The following PPP1R3A variants were observed in gnomAD, a reference collection of about 807,000 sequenced individuals.
The protein encoded by PPP1R3A is protein phosphatase 1 regulatory subunit 3A.
Under a neutral mutation model 41.7 loss-of-function variants are expected in PPP1R3A, and 29 were observed. That is an observed-to-expected ratio of 0.70 (90% CI 0.52 to 0.95). The LOEUF (loss-of-function observed/expected upper bound fraction) is 0.95. Among genes scored for constraint, PPP1R3A ranks in the 40% least tolerant of loss-of-function variants. The pLI is 0.00. For missense variants in PPP1R3A, 1,352 were observed against 1,292.4 expected (o/e 1.05, Z -0.71); for synonymous variants, 485 against 453.4 (o/e 1.07, Z -0.89).
chr7:113,880,841 C>T (rs947114805), intron 3 of PPP1R3A, among the ~76,000 whole-genome samples: 3 of 151,952 alleles, frequency 2.0e-5, no homozygotes, highest in Non-Finnish European at 4.4e-5. Context: ...GTCTTGTAAG[C>T]CAATGCCTGT....
intron 3 of PPP1R3A, among the ~76,000 whole-genome samples, chr7:113,880,928 A>T (rs1241692366): frequency 6.6e-6 from 1 of 152,090 alleles, no homozygotes; most frequent in Non-Finnish European, 1.5e-5. Flanking sequence ...GCATGGAGCA[A>T]ATTAGCATCT....
intron 1 of PPP1R3A, among the ~76,000 whole-genome samples, chr7:113,887,369 A>C (rs6964044): frequency 6.6e-6 from 1 of 151,694 alleles, no homozygotes; most frequent in Non-Finnish European, 1.5e-5. Context: ...GGTTTTTCTA[A>C]TAGATATTTT....
At chr7:113,895,182 C>A (rs961541243) in intron 1 of PPP1R3A, among the ~76,000 whole-genome samples, 4 of 151,936 alleles carry the variant, frequency 2.6e-5, no homozygotes, top group African/African-American at 7.2e-5. Context: ...CAGCTTCTAT[C>A]TCATTCCTGG....
chr7:113,885,566 A>G (rs554404800), intron 1 of PPP1R3A, among the ~76,000 whole-genome samples: 1 of 152,194 alleles, frequency 6.6e-6, no homozygotes, highest in African/African-American at 2.4e-5. Flanking sequence ...CCATAGTGTC[A>G]TTGTTAGCTA....
intron 1 of PPP1R3A, among the ~76,000 whole-genome samples, chr7:113,883,656 A>G (rs1477619011): frequency 2.0e-5 from 3 of 152,060 alleles, no homozygotes; most frequent in East Asian, 1.9e-4. Context: ...ACGAAATCCA[A>G]CTGCAGGCTG....
intron 1 of PPP1R3A, among the ~76,000 whole-genome samples, chr7:113,882,930 A>C (rs1048712260): frequency 6.6e-6 from 1 of 152,056 alleles, no homozygotes; most frequent in African/African-American, 2.4e-5. Context: ...ATGTATTGCC[A>C]CAGGCCAATT....
At chr7:113,903,991 G>T (rs1249203205) in intron 1 of PPP1R3A, among the ~76,000 whole-genome samples, 1 of 151,606 alleles carries the variant, frequency 6.6e-6, no homozygotes, top group Non-Finnish European at 1.5e-5. Context: ...GTCTCTAATT[G>T]TGGTAGCCTG....
intron 1 of PPP1R3A, among the ~76,000 whole-genome samples, chr7:113,886,899 C>A (rs1027251748): frequency 6.6e-6 from 1 of 152,086 alleles, no homozygotes; most frequent in Non-Finnish European, 1.5e-5. Context: ...GAATATCTCT[C>A]ATTTCACCTT....
chr7:113,918,393 C>G lies in PPP1R3A; in HGVS notation c.604G>C (p.Gly202Arg). ...IVLVPPYQKD[G>R]SKVEFCIRYE... The stretch of plus-strand genomic sequence containing the variant: ...CGTATACAAAACTCAACTTTACTGC[C>G]ATCTTTTTGATAAGGAGGAACCAAT... The change falls in exon 1 of 4, where the codon GGC becomes CGC. Residue 202 changes from glycine (G) to arginine (R), a missense_variant. Gly to Arg is a moderately radical substitution (Grantham distance 125). Coordinates refer to ENST00000284601, the MANE Select transcript of PPP1R3A (RefSeq NM_002711.4). The G allele has an allele frequency of 6.2e-7, 1 of 1,613,360 alleles. No individual in the cohort carries two copies. The highest frequency in any genetic ancestry group is 2.2e-5 in the East Asian group (1 of 44,836).
chr7:113,903,028 T>C lies in PPP1R3A; in HGVS notation c.782+15187A>G, dbSNP rs143145138. ...CATAGTAAGAGTTTTGCTGCTGATA[T>C]TTGTATATTTTTTTCTTTAATGTTA... On this transcript the variant is annotated intron_variant, in intron 1 of 3. Coordinates refer to ENST00000284601, the MANE Select transcript of PPP1R3A (RefSeq NM_002711.4). Among the ~76,000 whole-genome samples, 423 of 151,884 alleles carry C rather than the reference T, an allele frequency of 2.8e-3. 2 individuals carry two copies. The highest frequency in any genetic ancestry group is 9.7e-3 in the African/African-American group (404 of 41,494).
intron 1 of PPP1R3A, among the ~76,000 whole-genome samples, chr7:113,904,714 G>A (rs1480728256): frequency 6.6e-6 from 1 of 151,634 alleles, no homozygotes; most frequent in Non-Finnish European, 1.5e-5. Context: ...TTATAGCTAT[G>A]TCAGCAAAAT....
At chr7:113,887,653 G>A (rs1357118724) in intron 1 of PPP1R3A, among the ~76,000 whole-genome samples, 2 of 152,144 alleles carry the variant, frequency 1.3e-5, no homozygotes, top group African/African-American at 4.8e-5. Flanking sequence ...TTAGGTTTTA[G>A]GGATAACTAG....
intron 1 of PPP1R3A, among the ~76,000 whole-genome samples, chr7:113,901,653 A>G (rs542461847): frequency 1.3e-5 from 2 of 151,754 alleles, no homozygotes; most frequent in Admixed American, 1.3e-4. Flanking sequence ...TCATGACAGA[A>G]CTCTTTCTAA....
At chr7:113,881,801 G>C (rs1283989408) in intron 3 of PPP1R3A, among the ~76,000 whole-genome samples, 1 of 151,944 alleles carries the variant, frequency 6.6e-6, no homozygotes, top group East Asian at 1.9e-4. Context: ...CTATTACTCA[G>C]AGCCACTGGT....
intron 1 of PPP1R3A, among the ~76,000 whole-genome samples, chr7:113,900,575 T>C (rs1797045267): frequency 6.7e-6 from 1 of 149,150 alleles, no homozygotes; most frequent in African/African-American, 2.5e-5. Flanking sequence ...TATATGTCAA[T>C]ATACATAAAA....
At chr7:113,886,881 A>T (rs1796793172) in intron 1 of PPP1R3A, among the ~76,000 whole-genome samples, 1 of 152,162 alleles carries the variant, frequency 6.6e-6, no homozygotes, top group Admixed American at 6.5e-5. Flanking sequence ...TGAAGAAAGT[A>T]TACTTTTGAA....
rs150748749 is a variant in PPP1R3A, at chr7:113,881,255, T to C, written c.966+784A>G. On this transcript the variant is annotated intron_variant, in intron 3 of 3. Coordinates refer to ENST00000284601, the MANE Select transcript of PPP1R3A (RefSeq NM_002711.4). ...AAATAGATGAGCTCTATTTCTTTCC[T>C]GTTTCAGCACTGACACTTGAAGAGA... Among the ~76,000 whole-genome samples the C allele has an allele frequency of 7.9e-5, 12 of 152,228 alleles. No homozygotes were observed. In the East Asian group the frequency reaches 2.3e-3, roughly 30 times the overall value.
At chr7:113,915,882 T>A (rs1184224902) in intron 1 of PPP1R3A, among the ~76,000 whole-genome samples, 1 of 152,014 alleles carries the variant, frequency 6.6e-6, no homozygotes, top group Non-Finnish European at 1.5e-5. Flanking sequence ...AAAATCCAAC[T>A]GCAATATTCA....
At chr7:113,900,729 A>G (rs1797048034) in intron 1 of PPP1R3A, among the ~76,000 whole-genome samples, 1 of 148,442 alleles carries the variant, frequency 6.7e-6, no homozygotes, top group Non-Finnish European at 1.5e-5. Flanking sequence ...CATGATATAT[A>G]TAAGTATATA....
Sources: gnomAD v4.1 joint callset for allele counts (sites outside exome capture counted in the v4.1 genomes callset) on GRCh38, gnomAD v4.1.1 for gene constraint, MANE v1.5 for transcripts, NCBI Gene and HGNC (gene_info 2026-07-23, HGNC 2026-07-21) for gene names.